Variants in REEP1 observed in about 807,000 individuals in gnomAD.
The protein encoded by REEP1 is receptor expression-enhancing protein 1.
Under a neutral mutation model 40.3 loss-of-function variants are expected in REEP1, and 22 were observed. That is an observed-to-expected ratio of 0.55 (90% confidence interval 0.39 to 0.78). REEP1 has a LOEUF of 0.78. Among genes scored for constraint, REEP1 ranks in the 30% least tolerant of loss-of-function variants. The probability of loss-of-function intolerance (pLI) is 0.00; values close to 1 mark genes in which losing one functional copy is unlikely to be tolerated. For synonymous variants in REEP1, 116 were observed against 139.2 expected (o/e 0.83, Z 1.17); for missense variants, 280 against 361.1 (o/e 0.78, Z 1.82).
chr2:86,220,735 A>G (rs572324410), intron 7 of REEP1, among the ~76,000 whole-genome samples: 155 of 151,756 alleles, frequency 1.0e-3, no homozygotes, highest in Middle Eastern at 3.4e-3. Context: ...GCCCAGTCCT[A>G]GAGAAGCAGA....
chr2:86,310,416 T>C (rs370973079), intron 1 of REEP1, among the ~76,000 whole-genome samples: 5 of 152,164 alleles, frequency 3.3e-5, no homozygotes, highest in Admixed American at 6.5e-5. Context: ...CTAGGAGCAA[T>C]AGGCCATACC....
At chr2:86,274,308 A>G (rs1405086853) in intron 2 of REEP1, among the ~76,000 whole-genome samples, 3 of 152,220 alleles carry the variant, frequency 2.0e-5, no homozygotes, top group Non-Finnish European at 2.9e-5. Context: ...AGATTGCCCA[A>G]CGGATTCCTA....
intron 2 of REEP1, among the ~76,000 whole-genome samples, chr2:86,269,230 T>C (rs1365831592): frequency 6.6e-6 from 1 of 152,194 alleles, no homozygotes; most frequent in African/African-American, 2.4e-5. Flanking sequence ...ACTTGTTCTA[T>C]TTTATAGAAT....
At chr2:86,330,930 C>G (rs1006963524) in intron 1 of REEP1, among the ~76,000 whole-genome samples, 6 of 152,132 alleles carry the variant, frequency 3.9e-5, no homozygotes, top group African/African-American at 1.4e-4. Flanking sequence ...CCCAGTCCAT[C>G]CGAACAACAA....
intron 1 of REEP1, among the ~76,000 whole-genome samples, chr2:86,334,431 A>T (rs185602247): frequency 6.6e-6 from 1 of 152,272 alleles, no homozygotes; most frequent in Non-Finnish European, 1.5e-5. Flanking sequence ...CCCATACCAG[A>T]GGTCTAGGGA....
upstream of REEP1, chr2:86,337,935 C>T (rs1681130898): frequency 7.7e-7 from 1 of 1,294,174 alleles, no homozygotes; most frequent in Admixed American, 2.0e-5. The surrounding 1 kb of genome is among the most constrained non-coding windows in gnomAD (Gnocchi z 5.8). Flanking sequence ...GAAGTCCGAA[C>T]CTGAACCTCG....
At chr2:86,314,732 G>A (rs374480146) in intron 1 of REEP1, among the ~76,000 whole-genome samples, 21 of 149,310 alleles carry the variant, frequency 1.4e-4, no homozygotes, top group African/African-American at 3.7e-4. Context: ...GTGCAGTGGC[G>A]CGATCTTGGC....
intron 1 of REEP1, among the ~76,000 whole-genome samples, chr2:86,320,468 G>C (rs1022063444): frequency 3.3e-5 from 5 of 151,906 alleles, no homozygotes; most frequent in Admixed American, 2.6e-4. Context: ...TGAAAGAAAA[G>C]AAAAAATTAC....
At chr2:86,261,863 A>C (rs1676873087) in intron 3 of REEP1, among the ~76,000 whole-genome samples, 1 of 152,228 alleles carries the variant, frequency 6.6e-6, no homozygotes, top group Admixed American at 6.5e-5. Flanking sequence ...ATCTACTGAG[A>C]TAGGGAAAAA....
chr2:86,300,471 A>G (rs1679207720), intron 1 of REEP1, among the ~76,000 whole-genome samples: 1 of 152,212 alleles, frequency 6.6e-6, no homozygotes, highest in African/African-American at 2.4e-5. Context: ...TATAAACTCA[A>G]GAGTGGGGAC....
chr2:86,241,284 C>A (rs945039066), intron 5 of REEP1, among the ~76,000 whole-genome samples: 2 of 152,266 alleles, frequency 1.3e-5, no homozygotes, highest in African/African-American at 2.4e-5. Context: ...CAGGACAAAT[C>A]TGCCCAGCCG....
At chr2:86,330,967 TA>T (rs1167546986) in intron 1 of REEP1, among the ~76,000 whole-genome samples, 5 of 152,280 alleles carry the variant, frequency 3.3e-5, no homozygotes, top group African/African-American at 1.2e-4. Flanking sequence ...AAGCAGCATT[TA>T]AAGTTTTCAT....
intron 6 of REEP1, 102 bp downstream of exon 6, chr2:86,232,523 G>C: frequency 7.1e-7 from 1 of 1,405,144 alleles, no homozygotes; most frequent in Non-Finnish European, 9.9e-7. Context: ...TGGCAGGTCC[G>C]TGGGGCCAGG....
intron 1 of REEP1, among the ~76,000 whole-genome samples, chr2:86,298,127 G>A (rs939844853): frequency 2.0e-5 from 3 of 152,224 alleles, no homozygotes; most frequent in Non-Finnish European, 1.5e-5. Flanking sequence ...GCAGCAGGTA[G>A]GGAAGGGCAT....
intron 6 of REEP1, among the ~76,000 whole-genome samples, chr2:86,231,953 G>A (rs983433381): frequency 5.9e-5 from 9 of 152,160 alleles, no homozygotes; most frequent in Non-Finnish European, 1.0e-4. Flanking sequence ...CATGTTTAAC[G>A]AGGTCCCCAG....
intron 1 of REEP1, among the ~76,000 whole-genome samples, chr2:86,304,870 C>G (rs1679411750): frequency 6.6e-6 from 1 of 152,162 alleles, no homozygotes; most frequent in Non-Finnish European, 1.5e-5. Context: ...AAAACAAAGA[C>G]TGTAAACTTA....
intron 1 of REEP1, among the ~76,000 whole-genome samples, chr2:86,335,344 GA>G (rs139957467): frequency 0.016 from 2,386 of 152,208 alleles, 74 homozygotes; most frequent in African/African-American, 0.054. Context: ...GGGACTGGGG[GA>G]TAAGTGGTAT....
Position 86,337,564 on chromosome 2 carries a change from G to A in REEP1, c.-54C>T. 2 of 1,207,822 alleles carry A rather than the reference G, an allele frequency of 1.7e-6. No individual in the cohort carries two copies. Among genetic ancestry groups the A allele is most frequent in the Non-Finnish European group, 1.0e-6 (1 of 974,018 alleles). 74.8% of individuals were successfully genotyped at this position (1,207,822 alleles called of 1,614,324 possible). A position where few individuals can be genotyped will look rare whatever the true frequency, so the allele number is the denominator to read the frequency against. ...GCGGCGCGGCTCGGCTAGGCTGCGG[G>A]CGGCGCGGGCTGCTGCGGCGTTCCC... On this transcript the variant is annotated 5_prime_UTR_variant, in exon 1 of 9. Coordinates refer to ENST00000538924, the MANE Select transcript of REEP1 (RefSeq NM_001371279.1). The surrounding 1 kb of genome is among the most constrained non-coding windows in gnomAD (Gnocchi z 5.8).
At chr2:86,219,900 G>T (rs531444526) in intron 8 of REEP1, 70 bp downstream of exon 8, 8 of 1,190,862 alleles carry the variant, frequency 6.7e-6, no homozygotes, top group Non-Finnish European at 7.4e-6. Context: ...GCTGCTCCCA[G>T]GACCCCCAAT....
Sources: allele counts gnomAD v4.1 joint callset (sites outside exome capture counted in the v4.1 genomes callset), GRCh38; gene constraint gnomAD v4.1.1; non-coding constraint Gnocchi (gnomAD v3.1); transcripts MANE v1.5; gene names NCBI Gene and HGNC (gene_info 2026-07-23, HGNC 2026-07-21).